The following LHFPL3 variants were observed in gnomAD, a reference collection of about 807,000 sequenced individuals.
The protein encoded by LHFPL3 is LHFPL tetraspan subfamily member 3 protein.
In LHFPL3, 5 loss-of-function variants were observed where a neutral mutation model predicts 19.3. That is an observed-to-expected ratio of 0.26 (90% confidence interval 0.14 to 0.54). The LOEUF (loss-of-function observed/expected upper bound fraction) is 0.54, where lower values mean the gene tolerates loss of function less well. Among genes scored for constraint, LHFPL3 ranks in the 20% least tolerant of loss-of-function variants. The pLI is 0.94. For synonymous variants in LHFPL3, 133 were observed against 126.2 expected, an observed-to-expected ratio of 1.05 and a Z score of -0.36; for missense variants, 249 against 307.4, an observed-to-expected ratio of 0.81 and a Z score of 1.42.
intron 1 of LHFPL3, among the ~76,000 whole-genome samples, chr7:104,404,431 G>T (rs1791376360): frequency 6.6e-6 from 1 of 152,196 alleles, no homozygotes; most frequent in Non-Finnish European, 1.5e-5. Context: ...GTAGAGATCA[G>T]TAGTGATTTA....
At chr7:104,381,934 A>G (rs192359400) in intron 1 of LHFPL3, among the ~76,000 whole-genome samples, 1 of 152,320 alleles carries the variant, frequency 6.6e-6, no homozygotes, top group East Asian at 1.9e-4. Flanking sequence ...TAGCATAGAA[A>G]TGCAAACCCT....
intron 1 of LHFPL3, among the ~76,000 whole-genome samples, chr7:104,390,170 C>A (rs557951044): frequency 7.6e-6 from 1 of 132,228 alleles, no homozygotes; most frequent in South Asian, 2.5e-4. Flanking sequence ...AAAAGACTAA[C>A]AACCCAATTT....
chr7:104,352,844 T>A (rs1051543536), intron 1 of LHFPL3, among the ~76,000 whole-genome samples: 2 of 152,212 alleles, frequency 1.3e-5, no homozygotes, highest in Admixed American at 1.3e-4. Context: ...GATCCAGGTA[T>A]AACCATGAGT....
chr7:104,677,741 ATAGT>A (rs751896262), intron 1 of LHFPL3, among the ~76,000 whole-genome samples: 17 of 152,252 alleles, frequency 1.1e-4, no homozygotes, highest in Non-Finnish European at 1.9e-4. Context: ...CACTTGCAAC[ATAGT>A]TAGTACAACT....
intron 2 of LHFPL3, among the ~76,000 whole-genome samples, chr7:104,849,425 C>A (rs992252831): frequency 4.6e-5 from 7 of 152,212 alleles, no homozygotes; most frequent in Non-Finnish European, 7.3e-5. Context: ...TCCCTCAGGG[C>A]CCTGCACAGA....
At chr7:104,489,979 C>T (rs374259144) in intron 1 of LHFPL3, among the ~76,000 whole-genome samples, 2 of 152,132 alleles carry the variant, frequency 1.3e-5, no homozygotes, top group South Asian at 2.1e-4. Flanking sequence ...CTGATATGTG[C>T]TTATCAGCAT....
intron 1 of LHFPL3, among the ~76,000 whole-genome samples, chr7:104,692,457 G>C (rs2116139443): frequency 6.6e-6 from 1 of 152,318 alleles, no homozygotes; most frequent in Non-Finnish European, 1.5e-5. Flanking sequence ...TCATGGGCTG[G>C]GCCCAGGGTC....
At chr7:104,838,655 A>AAAAC (rs1791142340) in intron 2 of LHFPL3, among the ~76,000 whole-genome samples, 1 of 152,258 alleles carries the variant, frequency 6.6e-6, no homozygotes, top group African/African-American at 2.4e-5. Context: ...ACCGTCTTGC[A>AAAAC]AAACAGTGAC....
intron 1 of LHFPL3, among the ~76,000 whole-genome samples, chr7:104,689,358 T>C (rs1238224078): frequency 6.6e-6 from 1 of 152,204 alleles, no homozygotes; most frequent in East Asian, 1.9e-4. Flanking sequence ...AGGCATTGGT[T>C]AATTAATCAT....
At chr7:104,424,805 C>T (rs1791805810) in intron 1 of LHFPL3, among the ~76,000 whole-genome samples, 1 of 151,830 alleles carries the variant, frequency 6.6e-6, no homozygotes, top group Non-Finnish European at 1.5e-5. Context: ...TCCTGGTTAA[C>T]ATGGTGAAAC....
intron 1 of LHFPL3, among the ~76,000 whole-genome samples, chr7:104,353,556 A>G (rs1487859634): frequency 6.6e-6 from 1 of 152,250 alleles, no homozygotes; most frequent in East Asian, 1.9e-4. Flanking sequence ...AGTGAAAGTA[A>G]TTCCTGTAAG....
intron 1 of LHFPL3, among the ~76,000 whole-genome samples, chr7:104,438,653 G>C (rs1270765025): frequency 6.6e-6 from 1 of 151,792 alleles, no homozygotes; most frequent in South Asian, 2.1e-4. Flanking sequence ...AGGAAGAAAG[G>C]CTTAAAAATA....
At chr7:104,685,439 AAC>A (rs888359382) in intron 1 of LHFPL3, among the ~76,000 whole-genome samples, 2 of 151,604 alleles carry the variant, frequency 1.3e-5, no homozygotes, top group Admixed American at 1.3e-4. Flanking sequence ...AGTGTGTGTA[AAC>A]ACACACACAC....
chr7:104,845,559 C>A, intron 2 of LHFPL3: 2 of 1,021,160 alleles, frequency 2.0e-6, no homozygotes, highest in Non-Finnish European at 2.7e-6. Context: ...ATGAAACTGC[C>A]GCTTTCAAGC....
rs1003514038 is a variant in LHFPL3, at chr7:104,415,145, C to T, written c.445+85921C>T. ...AATTGGAAATAGAAAAGTGGGAAAACGATTCTTAATCCTATATCAAGGACA... is the reference window on the plus strand; with the variant it reads ...AATTGGAAATAGAAAAGTGGGAAAATGATTCTTAATCCTATATCAAGGACA... On this transcript the variant is annotated intron_variant, in intron 1 of 2. Coordinates refer to ENST00000424859, the MANE Select transcript of LHFPL3 (RefSeq NM_199000.3). Among the ~76,000 whole-genome samples, 5 of 152,104 alleles carry T rather than the reference C, an allele frequency of 3.3e-5. No homozygotes were observed. In the South Asian group the frequency reaches 8.3e-4, roughly 25 times the overall value.
intron 2 of LHFPL3, chr7:104,738,789 G>C (rs991266752): frequency 6.6e-6 from 1 of 152,062 alleles, no homozygotes; most frequent in African/African-American, 2.4e-5. Flanking sequence ...GATCCTTTCC[G>C]TCTGAGTCTT....
intron 1 of LHFPL3, among the ~76,000 whole-genome samples, chr7:104,690,163 T>C (rs996167517): frequency 3.3e-5 from 5 of 152,270 alleles, no homozygotes; most frequent in Non-Finnish European, 7.3e-5. Flanking sequence ...AGATGGATCT[T>C]GGAGAACGAC....
At chr7:104,677,655 C>T (rs1208954504) in intron 1 of LHFPL3, among the ~76,000 whole-genome samples, 1 of 152,150 alleles carries the variant, frequency 6.6e-6, no homozygotes, top group Non-Finnish European at 1.5e-5. Flanking sequence ...CAGTCCTGTC[C>T]GCTGGAACTT....
At chr7:104,437,989 A>C (rs1180581991) in intron 1 of LHFPL3, among the ~76,000 whole-genome samples, 1 of 152,202 alleles carries the variant, frequency 6.6e-6, no homozygotes, top group Non-Finnish European at 1.5e-5. Context: ...CAGCCACCAT[A>C]CAGGAGTCCA....
Sources: allele counts gnomAD v4.1 joint callset (sites outside exome capture counted in the v4.1 genomes callset), GRCh38; gene constraint gnomAD v4.1.1; transcripts MANE v1.5; gene names NCBI Gene and HGNC (gene_info 2026-07-23, HGNC 2026-07-21).